The following CALN1 variants were observed in gnomAD, a reference collection of about 807,000 sequenced individuals.
CALN1 encodes calcium-binding protein 8.
A neutral mutation model predicts 30.6 loss-of-function variants in CALN1; 17 were observed. The ratio of observed to expected loss-of-function variants is 0.56; its 90% CI spans 0.38 to 0.83. CALN1 has a LOEUF of 0.83. Ranked by LOEUF, CALN1 falls within the 40% of genes least tolerant of loss-of-function variation. CALN1 has a pLI of 0.00. For synonymous variants in CALN1, 156 were observed against 131.4 expected, an observed-to-expected ratio of 1.19 and a Z score of -1.28; for missense variants, 291 against 354.9, an observed-to-expected ratio of 0.82 and a Z score of 1.45.
intron 4 of CALN1, among the ~76,000 whole-genome samples, chr7:72,078,464 C>T (rs559159520): frequency 1.3e-5 from 2 of 152,262 alleles, no homozygotes; most frequent in South Asian, 4.2e-4. Flanking sequence ...TCTGACTTCT[C>T]CTCCCCTGAT....
At chr7:72,012,377 G>A (rs925418240) in intron 5 of CALN1, among the ~76,000 whole-genome samples, 1 of 152,132 alleles carries the variant, frequency 6.6e-6, no homozygotes, top group Non-Finnish European at 1.5e-5. Context: ...GCTGGGTGTG[G>A]TGGCGGGTGC....
intron 5 of CALN1, among the ~76,000 whole-genome samples, chr7:71,963,870 C>T (rs1797392230): frequency 6.6e-6 from 1 of 152,154 alleles, no homozygotes; most frequent in African/African-American, 2.4e-5. Flanking sequence ...TTAAGTAACT[C>T]ATCTAACATA....
At chr7:71,952,429 G>A (rs78085599) in intron 5 of CALN1, among the ~76,000 whole-genome samples, 530 of 152,354 alleles carry the variant, frequency 3.5e-3, no homozygotes, top group Non-Finnish European at 5.9e-3. Flanking sequence ...CATGTCAGCA[G>A]AGAAGGAGCT....
At chr7:72,363,870 G>A (rs1352409747) in intron 2 of CALN1, among the ~76,000 whole-genome samples, 7 of 151,404 alleles carry the variant, frequency 4.6e-5, no homozygotes, top group Non-Finnish European at 1.0e-4. Flanking sequence ...AAGTAGCTGC[G>A]ATTACAGGCA....
At chr7:72,389,714 G>A (rs1331014125) in intron 2 of CALN1, among the ~76,000 whole-genome samples, 1 of 152,196 alleles carries the variant, frequency 6.6e-6, no homozygotes, top group Non-Finnish European at 1.5e-5. Flanking sequence ...GAGGTCAGCA[G>A]TTCGAGACTA....
At chr7:72,490,626 T>TCC in the CALN1 span, among the ~76,000 whole-genome samples, 1 of 152,140 alleles carries the variant, frequency 6.6e-6, no homozygotes. Flanking sequence ...GGGGCAGATT[T>TCC]CCCCCTTGCT....
chr7:72,022,153 A>C (rs1275813342), intron 5 of CALN1, among the ~76,000 whole-genome samples: 1 of 152,194 alleles, frequency 6.6e-6, no homozygotes, highest in Non-Finnish European at 1.5e-5. Context: ...GGTTCAAAGC[A>C]AGTGTCACAT....
chr7:72,245,145 T>C (rs28582423), intron 3 of CALN1, among the ~76,000 whole-genome samples: 7 of 152,172 alleles, frequency 4.6e-5, no homozygotes, highest in African/African-American at 1.2e-4. Flanking sequence ...GGAGGTGCTA[T>C]GTAGGGTTTT....
chr7:71,822,432 G>A (rs775498360), intron 5 of CALN1, among the ~76,000 whole-genome samples: 22 of 152,158 alleles, frequency 1.4e-4, no homozygotes, highest in Non-Finnish European at 2.6e-4. Context: ...ATTTTTAGTA[G>A]AGACGGGATT....
intron 2 of CALN1, among the ~76,000 whole-genome samples, chr7:72,343,898 G>A (rs1802494529): frequency 6.6e-6 from 1 of 152,172 alleles, no homozygotes; most frequent in South Asian, 2.1e-4. Flanking sequence ...GGATGGGGCT[G>A]TAATATCCTT....
chr7:72,282,980 C>T (rs1045315418), intron 2 of CALN1, among the ~76,000 whole-genome samples: 4 of 150,278 alleles, frequency 2.7e-5, no homozygotes, highest in African/African-American at 9.8e-5. Context: ...CACTTGAACC[C>T]GGGAGTGGAC....
chr7:72,364,682 G>T (rs1803776335), intron 2 of CALN1, among the ~76,000 whole-genome samples: 1 of 152,154 alleles, frequency 6.6e-6, no homozygotes, highest in South Asian at 2.1e-4. Context: ...TTTCAAATTA[G>T]AAAAGAAACA....
intron 3 of CALN1, among the ~76,000 whole-genome samples, chr7:72,216,510 A>T (rs563634201): frequency 5.3e-5 from 8 of 152,120 alleles, no homozygotes; most frequent in Non-Finnish European, 1.0e-4. Context: ...TCTGTGTATC[A>T]TAGGGTGCAT....
At chr7:72,222,555 C>T (rs960062206) in intron 3 of CALN1, among the ~76,000 whole-genome samples, 1 of 152,134 alleles carries the variant, frequency 6.6e-6, no homozygotes, top group Non-Finnish European at 1.5e-5. Flanking sequence ...TCCTACCAGG[C>T]CCCCCTCCAA....
intron 5 of CALN1, among the ~76,000 whole-genome samples, chr7:71,977,246 C>G (rs912272294): frequency 2.0e-5 from 3 of 152,040 alleles, no homozygotes; most frequent in African/African-American, 7.2e-5. Context: ...GCCTCGGCAA[C>G]ATAGCGAGAC....
intron 5 of CALN1, among the ~76,000 whole-genome samples, chr7:71,982,595 A>G (rs1430374908): frequency 6.6e-6 from 1 of 152,236 alleles, no homozygotes; most frequent in Non-Finnish European, 1.5e-5. Flanking sequence ...ACTCTGTCGC[A>G]AAACAAAACA....
chr7:72,027,931 C>T (rs112059897), intron 4 of CALN1, among the ~76,000 whole-genome samples: 13,069 of 151,224 alleles, frequency 0.086, 619 homozygotes, highest in African/African-American at 0.13. Context: ...TGGTGGCGGG[C>T]GCCTGTAGTC....
Position 72,235,224 on chromosome 7 carries a change from T to G in CALN1, c.244+43462A>C, listed in dbSNP as rs560059258. Among the ~76,000 whole-genome samples, 7 of 152,164 alleles carry G rather than the reference T, an allele frequency of 4.6e-5. No individual in the cohort carries two copies. The East Asian group carries it at 1.2e-3, about 25-fold the overall frequency. On this transcript the variant is annotated intron_variant, in intron 3 of 6. Transcript: ENST00000395275. Reference sequence around the variant, plus strand: ...AGGAGTTGGAGGCCACAGTGAGCTATGATCACACCACCGCACTCCAGCCTG... The same window carrying G: ...AGGAGTTGGAGGCCACAGTGAGCTAGGATCACACCACCGCACTCCAGCCTG...
intron 5 of CALN1, among the ~76,000 whole-genome samples, chr7:72,009,013 T>C (rs1370705546): frequency 6.6e-6 from 1 of 152,190 alleles, no homozygotes; most frequent in Admixed American, 6.5e-5. Flanking sequence ...CTAAGTAATT[T>C]TGAGGAATTG....
Sources: allele counts gnomAD v4.1 joint callset (sites outside exome capture counted in the v4.1 genomes callset), GRCh38; gene constraint gnomAD v4.1.1; transcripts MANE v1.5; gene names NCBI Gene and HGNC (gene_info 2026-07-23, HGNC 2026-07-21).